Variants in RNF216 observed in about 807,000 individuals in gnomAD.
RNF216 encodes the protein ring finger protein 216.
Under a neutral mutation model 110.8 loss-of-function variants are expected in RNF216, and 72 were observed. That is an observed-to-expected ratio of 0.65 (90% CI 0.54 to 0.79). The LOEUF (loss-of-function observed/expected upper bound fraction) is 0.79. RNF216 is among the 30% of genes least tolerant of loss of function. The probability of loss-of-function intolerance (pLI) is 0.00; values close to 1 mark genes in which losing one functional copy is unlikely to be tolerated. For missense variants in RNF216, 1,342 were observed against 1,141.2 expected (o/e 1.18, Z -2.54); for synonymous variants, 495 against 407.5 (o/e 1.21, Z -2.59).
intron 15 of RNF216, among the ~76,000 whole-genome samples, chr7:5,632,574 C>T (rs1289720088): frequency 6.6e-6 from 1 of 152,146 alleles, no homozygotes; most frequent in Admixed American, 6.5e-5. Context: ...GTCAGGGGTT[C>T]GAGACCAGCC....
chr7:5,765,580 C>T (rs892277446), intron 1 of RNF216, among the ~76,000 whole-genome samples: 31 of 151,334 alleles, frequency 2.0e-4, no homozygotes, highest in Admixed American at 6.6e-4. Flanking sequence ...CAGTGTGCCA[C>T]CATCATGCCA....
chr7:5,643,579 C>T (rs912697562), intron 14 of RNF216, among the ~76,000 whole-genome samples: 14 of 152,118 alleles, frequency 9.2e-5, no homozygotes, highest in Non-Finnish European at 2.9e-5. Context: ...TCTCTGGGAG[C>T]CATATTCTGA....
chr7:5,758,582 G>A (rs894283130), intron 2 of RNF216, among the ~76,000 whole-genome samples: 1 of 152,186 alleles, frequency 6.6e-6, no homozygotes, highest in Non-Finnish European at 1.5e-5. Context: ...TGCCATGAAT[G>A]TGAGATGTGG....
At chr7:5,701,337 C>A (rs1440438441) in intron 13 of RNF216, among the ~76,000 whole-genome samples, 1 of 152,178 alleles carries the variant, frequency 6.6e-6, no homozygotes, top group Non-Finnish European at 1.5e-5. Flanking sequence ...GGATTTTCCA[C>A]CTGCCCACTT....
chr7:5,645,939 C>T (rs1673444258), intron 14 of RNF216, among the ~76,000 whole-genome samples: 1 of 152,154 alleles, frequency 6.6e-6, no homozygotes, highest in Admixed American at 6.6e-5. Flanking sequence ...CACTGTGCTC[C>T]TGGTTTCCTT....
At chr7:5,689,980 T>C (rs368275619) in intron 13 of RNF216, among the ~76,000 whole-genome samples, 112 of 150,804 alleles carry the variant, frequency 7.4e-4, no homozygotes, top group African/African-American at 2.7e-3. Context: ...GGAGGGCAGG[T>C]AACCCCCCTT....
chr7:5,748,611 TACACAC>T (rs10588945), intron 3 of RNF216, among the ~76,000 whole-genome samples: 23,241 of 142,918 alleles, frequency 0.16, 1,874 homozygotes, highest in African/African-American at 0.18. Flanking sequence ...TTTATATACA[TACACAC>T]ACACACACAC....
At chr7:5,630,578 G>A (rs1007134399) in intron 15 of RNF216, among the ~76,000 whole-genome samples, 1 of 152,082 alleles carries the variant, frequency 6.6e-6, no homozygotes, top group African/African-American at 2.4e-5. Context: ...TGGTGGTGGA[G>A]GGGGAGTTCT....
intron 13 of RNF216, among the ~76,000 whole-genome samples, chr7:5,682,919 A>C (rs1001468731): frequency 2.0e-5 from 3 of 152,206 alleles, no homozygotes; most frequent in Admixed American, 2.0e-4. Flanking sequence ...ATGTAGCATC[A>C]AAACCAGAAA....
intron 13 of RNF216, among the ~76,000 whole-genome samples, chr7:5,690,163 T>TA (rs1375817154): frequency 6.6e-6 from 1 of 150,752 alleles, no homozygotes; most frequent in Admixed American, 6.6e-5. Context: ...CTGTCTCTAC[T>TA]AAAAATACAA....
intron 3 of RNF216, among the ~76,000 whole-genome samples, chr7:5,751,121 G>C (rs533429161): frequency 2.6e-5 from 4 of 152,270 alleles, no homozygotes; most frequent in African/African-American, 7.2e-5. Context: ...TGCACCCTCA[G>C]AAAGTTTTAA....
chr7:5,725,330 C>A lies in RNF216; in HGVS notation c.1498G>T (p.Glu500Ter). The A allele has an allele frequency of 6.3e-7, 1 of 1,589,710 alleles. No homozygotes were observed. The highest frequency in any genetic ancestry group is 1.1e-5 in the South Asian group (1 of 90,452). Residue 500 changes from glutamate to a stop codon, truncating the protein, a stop_gained, in exon 8 of 17, where the codon GAA (glutamate) becomes TAA (stop). Coordinates refer to ENST00000389902, the MANE Select transcript of RNF216 (RefSeq NM_207111.4). LOFTEE classifies it high-confidence loss of function. The part of the protein sequence containing the change: ...NQYSYIDFKF[E>*]QGDIKIEKRM... ...CCAACACAGTTTGCATTACCTTGTT[C>A]AAACTTGAAATCAATGTAAGAATAC... is the stretch of plus-strand genomic sequence containing the variant.
chr7:5,728,982 G>A (rs540851106), intron 7 of RNF216, among the ~76,000 whole-genome samples: 3 of 152,224 alleles, frequency 2.0e-5, no homozygotes, highest in Non-Finnish European at 2.9e-5. Flanking sequence ...AGGATCCTGC[G>A]GGGAGAACGC....
intron 4 of RNF216, among the ~76,000 whole-genome samples, chr7:5,740,258 T>C (rs867977603): frequency 2.0e-5 from 3 of 151,288 alleles, no homozygotes; most frequent in Non-Finnish European, 4.4e-5. Flanking sequence ...TCCCAAGAAG[T>C]TGGGACTACA....
chr7:5,718,050 A>C (rs557867332), intron 9 of RNF216, among the ~76,000 whole-genome samples: 1 of 152,214 alleles, frequency 6.6e-6, no homozygotes, highest in East Asian at 1.9e-4. Flanking sequence ...AAAATAAGGA[A>C]AGGTAAACCA....
intron 5 of RNF216, among the ~76,000 whole-genome samples, chr7:5,738,087 CAAAAAAA>C (rs200643372): frequency 9.0e-6 from 1 of 111,004 alleles, no homozygotes; most frequent in African/African-American, 4.0e-5. Flanking sequence ...AGACTGTCTC[CAAAAAAA>C]AAAAAAAAAA....
chr7:5,748,765 T>C (rs1368147229), intron 3 of RNF216, among the ~76,000 whole-genome samples: 1 of 152,168 alleles, frequency 6.6e-6, no homozygotes, highest in Admixed American at 6.5e-5. Flanking sequence ...TGGTCAACAG[T>C]ATGCTATTAG....
chr7:5,745,385 G>A (rs1257883666), intron 3 of RNF216, among the ~76,000 whole-genome samples: 1 of 152,178 alleles, frequency 6.6e-6, no homozygotes, highest in African/African-American at 2.4e-5. Flanking sequence ...CACATTTAAT[G>A]AAGAAACATT....
rs1321587830 is a variant in RNF216 at position 5,741,602 on chromosome 7, G to A, written c.415C>T (p.Pro139Ser). The change falls in exon 4 of 17, where the codon CCT (proline) becomes TCT (serine). Residue 139 changes from proline to serine, a missense_variant. Physicochemically the swap from Pro to Ser is moderately conservative, Grantham distance 74 (BLOSUM62 -1). Transcript: ENST00000389902. ...TTAGTGAATTCAGAGATTCCAGGAGGCCCAAGATCCAGAAATTCACCGTAG... is the reference window on the plus strand; with the variant it reads ...TTAGTGAATTCAGAGATTCCAGGAGACCCAAGATCCAGAAATTCACCGTAG... ...DDYGEFLDLG[P>S]PGISEFTKPS... 4 of 1,614,084 alleles carry A rather than the reference G, an allele frequency of 2.5e-6. No individual in the cohort carries two copies. The highest frequency in any genetic ancestry group is 3.3e-5 in the Admixed American group (2 of 60,000).
Sources: gnomAD v4.1 joint callset for allele counts (sites outside exome capture counted in the v4.1 genomes callset) on GRCh38, gnomAD v4.1.1 for gene constraint, MANE v1.5 for transcripts, NCBI Gene and HGNC (gene_info 2026-07-23, HGNC 2026-07-21) for gene names.